TCF12: variants seen among roughly 807,000 people sequenced by gnomAD.
TCF12 encodes transcription factor 12, also known as DNA-binding protein HTF4.
A neutral mutation model predicts 86.0 loss-of-function variants in TCF12; 45 were observed. The observed-to-expected ratio is 0.52, with a 90% CI of 0.41 to 0.67. TCF12 has a LOEUF of 0.67. TCF12 is among the 30% of genes least tolerant of loss of function. TCF12 has a pLI of 0.00. For synonymous variants in TCF12, 330 were observed against 299.6 expected, an observed-to-expected ratio of 1.10 and a Z score of -1.05; for missense variants, 881 against 859.9, an observed-to-expected ratio of 1.02 and a Z score of -0.31.
intron 3 of TCF12, among the ~76,000 whole-genome samples, chr15:56,930,444 A>G (rs1486770930): frequency 6.6e-6 from 1 of 152,222 alleles, no homozygotes; most frequent in African/African-American, 2.4e-5. Flanking sequence ...AAACCCCACT[A>G]TATCTAGCCA....
intron 8 of TCF12, among the ~76,000 whole-genome samples, chr15:57,216,017 T>C (rs1466052039): frequency 6.6e-6 from 1 of 152,154 alleles, no homozygotes. Flanking sequence ...GAAAACATCT[T>C]TTCCTATATC....
In TCF12 at chr15:57,276,276, C is replaced by A. The variant is rs142895834; in HGVS notation, c.1978+3014C>A. 4.1e-4 allele frequency among the ~76,000 whole-genome samples: 62 copies of A among 152,330 alleles called. No individual in the cohort carries two copies. The South Asian group carries it at 5.8e-3, about 14-fold the overall frequency. On this transcript the variant is annotated intron_variant, in intron 19 of 20. Transcript: ENST00000333725. ...GAAGCTTTTCTTTCCTCAAACATTT[C>A]CAAACCTTACCCCAGGAGATTCTGG...
chr15:57,111,702 C>T (rs904575689), intron 5 of TCF12, among the ~76,000 whole-genome samples: 3 of 150,584 alleles, frequency 2.0e-5, no homozygotes, highest in Non-Finnish European at 2.9e-5. Context: ...AGTGATCCTT[C>T]GGGCTCAGCC....
chr15:57,114,596 C>T (rs1438702013), intron 5 of TCF12, among the ~76,000 whole-genome samples: 5 of 152,070 alleles, frequency 3.3e-5, no homozygotes, highest in Non-Finnish European at 5.9e-5. Flanking sequence ...CCATGCCCCA[C>T]GTATAATGTT....
intron 6 of TCF12, among the ~76,000 whole-genome samples, chr15:57,174,720 C>T (rs962345253): frequency 6.6e-6 from 1 of 152,168 alleles, no homozygotes; most frequent in African/African-American, 2.4e-5. Flanking sequence ...AATTGTATTT[C>T]TGTACACTAT....
chr15:57,187,931 C>T (rs1379655523), intron 6 of TCF12, among the ~76,000 whole-genome samples: 1 of 151,418 alleles, frequency 6.6e-6, no homozygotes, highest in Non-Finnish European at 1.5e-5. Flanking sequence ...GAGTGAGACT[C>T]CATCTCAAAA....
At chr15:56,920,296 G>A (rs1595678647) in intron 2 of TCF12, among the ~76,000 whole-genome samples, 1 of 152,026 alleles carries the variant, frequency 6.6e-6, no homozygotes, top group Admixed American at 6.6e-5. Flanking sequence ...CTCCCACCGC[G>A]ATGATTATTG....
chr15:56,967,960 T>G (rs567702569), intron 3 of TCF12, among the ~76,000 whole-genome samples: 14 of 152,198 alleles, frequency 9.2e-5, no homozygotes, highest in South Asian at 2.1e-4. Context: ...GTTTGTTTGT[T>G]TGTTTGTTTT....
At chr15:57,257,506 T>A (rs566068386) in intron 16 of TCF12, among the ~76,000 whole-genome samples, 9 of 151,746 alleles carry the variant, frequency 5.9e-5, no homozygotes, top group Admixed American at 1.3e-4. Flanking sequence ...AAAAAAAAAT[T>A]TTTAATTAAC....
At chr15:56,919,202 C>T (rs897867812) in intron 1 of TCF12, 24 of 151,898 alleles carry the variant, frequency 1.6e-4, no homozygotes, top group African/African-American at 5.8e-4. Context: ...CGGCTTCGGC[C>T]GCGGAGCCAG....
chr15:57,250,440 G>A (rs2060055694), intron 13 of TCF12, among the ~76,000 whole-genome samples: 1 of 152,116 alleles, frequency 6.6e-6, no homozygotes, highest in Non-Finnish European at 1.5e-5. Flanking sequence ...AGCAAATTAG[G>A]TGTAGAAGCC....
At chr15:57,117,621 T>C (rs1015820126) in intron 5 of TCF12, among the ~76,000 whole-genome samples, 18 of 152,164 alleles carry the variant, frequency 1.2e-4, no homozygotes, top group Non-Finnish European at 2.1e-4. Flanking sequence ...TACATTGTAA[T>C]ATTGGTTTGA....
intron 5 of TCF12, among the ~76,000 whole-genome samples, chr15:57,141,383 C>G (rs1425806512): frequency 6.6e-6 from 1 of 152,122 alleles, no homozygotes; most frequent in African/African-American, 2.4e-5. Flanking sequence ...GGGTTTAGCT[C>G]TTGATGCCCA....
intron 6 of TCF12, among the ~76,000 whole-genome samples, chr15:57,173,948 C>T (rs745845793): frequency 1.5e-4 from 23 of 152,010 alleles, no homozygotes; most frequent in Non-Finnish European, 3.2e-4. Flanking sequence ...CCTTGTGATC[C>T]CCCCGCCTCA....
intron 18 of TCF12, among the ~76,000 whole-genome samples, chr15:57,268,025 T>C (rs1297072416): frequency 1.3e-5 from 2 of 152,156 alleles, no homozygotes; most frequent in African/African-American, 4.8e-5. Context: ...TGGTGGTAAT[T>C]TTAAGTGTAT....
In TCF12 at chr15:57,170,692, AT is replaced by A. The variant is rs1567558406; in HGVS notation, c.390+4227del. Among the ~76,000 whole-genome samples, 47 of 34,368 alleles carry A rather than the reference AT, an allele frequency of 1.4e-3. 2 individuals carry two copies. In the African/African-American group the frequency reaches 0.016, roughly 12 times the overall value. 22.5% of individuals were successfully genotyped at this position (34,368 alleles called of 152,430 possible). A position where few individuals can be genotyped will look rare whatever the true frequency, so the allele number is the denominator to read the frequency against. On this transcript the variant is annotated intron_variant, in intron 6 of 20. Coordinates refer to ENST00000333725, the MANE Select transcript of TCF12 (RefSeq NM_207037.2). ...ATATATATAATATATTATATATAAT[AT>A]ATATTATATATAATATATAATATAT...
chr15:57,066,037 G>A (rs1172221301), intron 4 of TCF12, among the ~76,000 whole-genome samples: 2 of 151,954 alleles, frequency 1.3e-5, no homozygotes, highest in African/African-American at 4.8e-5. Flanking sequence ...AACCTAAAAG[G>A]TTTGGTGAGA....
chr15:56,964,097 CAG>C (rs2061894633), intron 3 of TCF12, among the ~76,000 whole-genome samples: 1 of 152,212 alleles, frequency 6.6e-6, no homozygotes, highest in Non-Finnish European at 1.5e-5. Flanking sequence ...AGTTCCACCT[CAG>C]TGCTAATTTT....
chr15:57,275,182 A>C (rs1017631613), intron 19 of TCF12, among the ~76,000 whole-genome samples: 1 of 152,184 alleles, frequency 6.6e-6, no homozygotes, highest in African/African-American at 2.4e-5. Context: ...TGAGAGTTTG[A>C]ACAGATTTCA....
Sources: gnomAD v4.1 joint callset for allele counts (sites outside exome capture counted in the v4.1 genomes callset) on GRCh38, gnomAD v4.1.1 for gene constraint, MANE v1.5 for transcripts, NCBI Gene and HGNC (gene_info 2026-07-23, HGNC 2026-07-21) for gene names.